LRRN3: variants seen among roughly 807,000 people sequenced by gnomAD.
The protein encoded by LRRN3 is leucine-rich repeat neuronal protein 3.
Under a neutral mutation model 40.1 loss-of-function variants are expected in LRRN3, and 15 were observed. The observed-to-expected ratio is 0.37, with a 90% CI of 0.25 to 0.58. The LOEUF is 0.58. LRRN3 is among the 20% of genes least tolerant of loss of function. The pLI, the probability that LRRN3 is intolerant of heterozygous loss-of-function variation, is 0.72. For synonymous variants in LRRN3, 308 were observed against 297.2 expected (o/e 1.04, Z -0.37); for missense variants, 746 against 837.7 (o/e 0.89, Z 1.35).
At chr7:111,097,437 T>A (rs1797520364) in intron 1 of LRRN3, 1 of 151,960 alleles carries the variant, frequency 6.6e-6, no homozygotes, top group Admixed American at 6.6e-5. Flanking sequence ...ATCAAATTAA[T>A]AACGACTATA....
In LRRN3 at chr7:111,124,957, C is replaced by A; in HGVS notation, c.*58C>A. On this transcript the variant is annotated 3_prime_UTR_variant, in exon 3 of 3. Transcript: ENST00000308478. ...CAAAAAAAAAAAAAGCGAAAGACTGCAGTTGTGCTAAAAACAAAACAAAAC... is the reference window on the plus strand; with the variant it reads ...CAAAAAAAAAAAAAGCGAAAGACTGAAGTTGTGCTAAAAACAAAACAAAAC... 3 of 1,167,966 alleles carry A rather than the reference C, an allele frequency of 2.6e-6. No homozygotes were observed. The highest frequency in any genetic ancestry group is 2.4e-6 in the Non-Finnish European group (2 of 832,642). 72.4% of individuals were successfully genotyped at this position (1,167,966 alleles called of 1,614,324 possible).
intron 1 of LRRN3, 90 bp from the exon 2 acceptor site, chr7:111,099,791 A>G (rs1797776738): frequency 6.6e-6 from 1 of 151,738 alleles, no homozygotes; most frequent in Non-Finnish European, 1.5e-5. Context: ...ATCATGAATA[A>G]CCTAACATGT....
chr7:111,118,852 T>C (rs925637562), intron 2 of LRRN3, among the ~76,000 whole-genome samples: 1 of 152,188 alleles, frequency 6.6e-6, no homozygotes, highest in African/African-American at 2.4e-5. Flanking sequence ...AAACAACATT[T>C]GAATATGCTC....
intron 2 of LRRN3, among the ~76,000 whole-genome samples, chr7:111,107,021 A>G (rs1438287897): frequency 1.3e-5 from 2 of 151,994 alleles, no homozygotes; most frequent in African/African-American, 2.4e-5. Flanking sequence ...TAAATCCTAG[A>G]AAACAATCAA....
chr7:111,117,672 A>T (rs1296251933), intron 2 of LRRN3, among the ~76,000 whole-genome samples: 1 of 152,108 alleles, frequency 6.6e-6, no homozygotes, highest in Non-Finnish European at 1.5e-5. Flanking sequence ...CTTCAATTAG[A>T]ACTAAAGAAA....
At chr7:111,101,406 TAA>T (rs1797960274) in intron 2 of LRRN3, among the ~76,000 whole-genome samples, 1 of 151,518 alleles carries the variant, frequency 6.6e-6, no homozygotes, top group African/African-American at 2.4e-5. Flanking sequence ...TGGGTACTTT[TAA>T]TGTATGATCT....
At chr7:111,094,509 T>G (rs1188295932) in intron 1 of LRRN3, among the ~76,000 whole-genome samples, 1 of 152,186 alleles carries the variant, frequency 6.6e-6, no homozygotes, top group African/African-American at 2.4e-5. Context: ...TCTGAGAGTT[T>G]AGCTACTTAT....
Position 111,113,749 on chromosome 7 carries a change from AATG to A in LRRN3, c.-358-8665_-358-8663del, listed in dbSNP as rs1799517399. Reference sequence around the variant, plus strand: ...CCCAAACCATTGTACTGCAAGGCACAATGTAAGTCTGTCTCCTGTCATTCAAGC... The same window carrying A: ...CCCAAACCATTGTACTGCAAGGCACATAAGTCTGTCTCCTGTCATTCAAGC... On this transcript the variant is annotated intron_variant, in intron 2 of 2. Transcript: ENST00000308478. Among the ~76,000 whole-genome samples, 3 of 152,180 alleles carry A rather than the reference AATG, an allele frequency of 2.0e-5. No individual in the cohort carries two copies. In the South Asian group the frequency reaches 6.2e-4, roughly 32 times the overall value.
At chr7:111,093,293 C>A (rs890358880) in intron 1 of LRRN3, among the ~76,000 whole-genome samples, 15 of 152,080 alleles carry the variant, frequency 9.9e-5, no homozygotes, top group African/African-American at 1.9e-4. Flanking sequence ...ATAAAAAAAA[C>A]CAAAATGATT....
intron 2 of LRRN3, among the ~76,000 whole-genome samples, chr7:111,100,314 A>T (rs1797835172): frequency 6.6e-6 from 1 of 150,952 alleles, no homozygotes; most frequent in Non-Finnish European, 1.5e-5. Context: ...GAAGCATTTG[A>T]CTTTTTATGC....
Position 111,099,717 on chromosome 7 carries a change from A to T in LRRN3, c.-440-164A>T, listed in dbSNP as rs577862835. On this transcript the variant is annotated intron_variant, in intron 1 of 2. Coordinates refer to ENST00000308478, the MANE Select transcript of LRRN3 (RefSeq NM_001099658.2). Reference sequence around the variant, plus strand: ...ATGAAGTTTTTTTTTTGAAAGTTATAAGCAATTAGACAACTAAAAAAAGAA... The same window carrying T: ...ATGAAGTTTTTTTTTTGAAAGTTATTAGCAATTAGACAACTAAAAAAAGAA... 2.0e-5 allele frequency among the ~76,000 whole-genome samples: 3 copies of T among 151,790 alleles called. No homozygotes were observed. The South Asian group carries it at 6.2e-4, about 32-fold the overall frequency.
chr7:111,120,536 C>T (rs981574750), intron 2 of LRRN3, among the ~76,000 whole-genome samples: 19 of 152,028 alleles, frequency 1.2e-4, no homozygotes, highest in South Asian at 2.1e-4. Context: ...GAGATTTGGG[C>T]GGGGACACAG....
intron 2 of LRRN3, among the ~76,000 whole-genome samples, chr7:111,106,446 G>GA (rs1586305250): frequency 6.6e-6 from 1 of 151,758 alleles, no homozygotes; most frequent in Non-Finnish European, 1.5e-5. Flanking sequence ...AACTCTCTAA[G>GA]AAAAACAGTC....
intron 1 of LRRN3, among the ~76,000 whole-genome samples, chr7:111,095,986 C>T (rs894875182): frequency 2.6e-5 from 4 of 151,870 alleles, no homozygotes; most frequent in Non-Finnish European, 4.4e-5. Flanking sequence ...TATCACAATC[C>T]TATTCTTTTC....
In LRRN3 at chr7:111,122,727, G is replaced by A. The variant is rs1356025905; in HGVS notation, c.-46G>A. On this transcript the variant is annotated 5_prime_UTR_variant, in exon 3 of 3. In the 5' UTR this introduces an upstream ATG that the reference lacks. Coordinates refer to ENST00000308478, the MANE Select transcript of LRRN3 (RefSeq NM_001099658.2). ...CCTATTGAACTTACTAGCACTGACT[G>A]TGGAATCCTTAAGGGCCCATTACAT... 2.7e-6 allele frequency: 4 copies of A among 1,471,148 alleles called. No homozygotes were observed. The highest frequency in any genetic ancestry group is 3.7e-6 in the Non-Finnish European group (4 of 1,070,188). 91.1% of individuals were successfully genotyped at this position (1,471,148 alleles called of 1,614,324 possible).
chr7:111,107,119 C>A (rs190755876), intron 2 of LRRN3, among the ~76,000 whole-genome samples: 80 of 152,036 alleles, frequency 5.3e-4, no homozygotes, highest in Admixed American at 3.4e-3. Context: ...ATCTCTCTCA[C>A]TAGAATGTGA....
At chr7:111,091,942 T>C (rs1689739976) in intron 1 of LRRN3, among the ~76,000 whole-genome samples, 1 of 152,104 alleles carries the variant, frequency 6.6e-6, no homozygotes, top group Non-Finnish European at 1.5e-5. Flanking sequence ...TTCACATTAT[T>C]TGTAGTGAAA....
intron 2 of LRRN3, among the ~76,000 whole-genome samples, chr7:111,102,953 AC>A (rs1252199291): frequency 1.3e-5 from 2 of 151,522 alleles, no homozygotes; most frequent in African/African-American, 4.8e-5. Flanking sequence ...ATAGTATAGG[AC>A]AATGAGCACT....
rs1417416757 is a variant in LRRN3, at chr7:111,124,819, C to A, written c.2047C>A (p.Leu683Ile). Residue 683 changes from leucine to isoleucine, a missense_variant, in exon 3 of 3, where the codon CTC (leucine) becomes ATC (isoleucine). Transcript: ENST00000308478. ...LGELYPPLIN[L>I]WEAGKEKSTS... is the part of the protein sequence containing the mutation. ...TGAGCTTTATCCTCCTCTGATAAAT[C>A]TCTGGGAAGCAGGAAAAGAAAAAAG... The A allele has an allele frequency of 1.9e-6, 3 of 1,612,554 alleles. No homozygotes were observed. The Admixed American group carries it at 5.0e-5, about 27-fold the overall frequency.
Sources: gnomAD v4.1 joint callset for allele counts (sites outside exome capture counted in the v4.1 genomes callset) on GRCh38, gnomAD v4.1.1 for gene constraint, MANE v1.5 for transcripts, NCBI Gene and HGNC (gene_info 2026-07-23, HGNC 2026-07-21) for gene names.